GNG7: variants seen among roughly 807,000 people sequenced by gnomAD.
The protein encoded by GNG7 is G protein subunit gamma 7.
GNG7 carries 1 observed loss-of-function variant against 4.0 expected under a neutral mutation model. That is an observed-to-expected ratio of 0.25 (90% CI 0.09 to 1.18). The LOEUF (loss-of-function observed/expected upper bound fraction) is 1.18, where lower values mean the gene tolerates loss of function less well. Ranked by LOEUF, GNG7 falls within the 50% of genes most tolerant of loss-of-function variation. The pLI is 0.50. For missense variants in GNG7, 86 were observed against 91.9 expected (o/e 0.94, Z 0.26); for synonymous variants, 34 against 36.9 (o/e 0.92, Z 0.29).
In GNG7 at chr19:2,611,006, G is replaced by GC. The variant is rs1173327203; in HGVS notation, c.-78+35217_-78+35218insG. 2 of 103,070 alleles carry GC rather than the reference G, an allele frequency of 1.9e-5. No homozygotes were observed. Among genetic ancestry groups the GC allele is most frequent in the Admixed American group, 8.9e-5 (1 of 11,218 alleles). The allele number at this position is 103,070 out of a possible 1,614,324, so 6.4% of individuals were successfully genotyped here. On this transcript the variant is annotated intron_variant, in intron 2 of 4. Transcript: ENST00000382159. The surrounding 1 kb of genome is among the most constrained non-coding windows in gnomAD (Gnocchi z 6.0). Reference sequence around the variant, plus strand: ...GGAACGGGCTCACGTGCCAGGCTCGGGGGGGGGGAAGCGTCCTCAACATTC... The same window carrying GC: ...GGAACGGGCTCACGTGCCAGGCTCGGCGGGGGGGGAAGCGTCCTCAACATTC...
At chr19:2,556,009 G>A (rs1302721337) in intron 2 of GNG7, among the ~76,000 whole-genome samples, 1 of 152,242 alleles carries the variant, frequency 6.6e-6, no homozygotes, top group African/African-American at 2.4e-5. Flanking sequence ...CTAAGGTCTG[G>A]AGGGAGATCC....
chr19:2,664,440 C>T (rs749803839), intron 1 of GNG7, among the ~76,000 whole-genome samples: 1 of 152,140 alleles, frequency 6.6e-6, no homozygotes, highest in Non-Finnish European at 1.5e-5. Flanking sequence ...TTCAGAGCCA[C>T]GAGACTGATG....
intron 3 of GNG7, among the ~76,000 whole-genome samples, chr19:2,528,449 G>A (rs1400138095): frequency 6.6e-6 from 1 of 150,482 alleles, no homozygotes; most frequent in African/African-American, 2.4e-5. Context: ...CGGGCATGGC[G>A]GCGGGCACCT....
intron 1 of GNG7, among the ~76,000 whole-genome samples, chr19:2,660,304 T>C (rs541012070): frequency 1.3e-5 from 2 of 152,318 alleles, no homozygotes; most frequent in Non-Finnish European, 2.9e-5. Flanking sequence ...CTCATCCCTT[T>C]CCAATCCTGA....
At chr19:2,607,562 T>TAAAAAAAAAAAAAAAAAAAAAAAAAA (rs57077280) in intron 2 of GNG7, among the ~76,000 whole-genome samples, 1 of 110,580 alleles carries the variant, frequency 9.0e-6, no homozygotes, top group Non-Finnish European at 1.8e-5. Flanking sequence ...ACTAAAATGG[T>TAAAAAAAAAAAAAAAAAAAAAAAAAA]AAAAAAAAAA....
chr19:2,651,414 CTCCTTCCTTTCTTCCT>C (rs1466136902), intron 1 of GNG7, among the ~76,000 whole-genome samples: 104 of 129,032 alleles, frequency 8.1e-4, no homozygotes, highest in African/African-American at 2.9e-3. Context: ...CCCTCCTTCC[CTCCTTCCTTTCTTCCT>C]CCCTCCCTCC....
At chr19:2,553,932 GTATGTAATATATTA>G (rs1363110812) in intron 3 of GNG7, among the ~76,000 whole-genome samples, 7 of 135,668 alleles carry the variant, frequency 5.2e-5, no homozygotes, top group East Asian at 2.0e-4. Flanking sequence ...GTAATATATT[GTATGTAATATATTA>G]TATGTAATAT....
At chr19:2,568,292 T>C (rs866200938) in intron 2 of GNG7, among the ~76,000 whole-genome samples, 19 of 66,874 alleles carry the variant, frequency 2.8e-4, no homozygotes, top group East Asian at 1.1e-3. Context: ...TACACACATA[T>C]ACACACGCAC....
chr19:2,520,085 G>A (rs8108346), intron 4 of GNG7, among the ~76,000 whole-genome samples: 87,406 of 151,988 alleles, frequency 0.58, 25,203 homozygotes, highest in Non-Finnish European at 0.59. Context: ...GGAGGTTGAG[G>A]CAGAAGAATT....
intron 3 of GNG7, among the ~76,000 whole-genome samples, chr19:2,553,826 ATATTATATGTAATATTG>A (rs1979449272): frequency 1.9e-4 from 9 of 47,190 alleles, no homozygotes; most frequent in East Asian, 1.4e-3. Flanking sequence ...ATACATGTAC[ATATTATATGTAATATTG>A]CATACATGTA....
chr19:2,550,260 G>A lies in GNG7; in HGVS notation c.-38+4889C>T, dbSNP rs192430371. ...TGAGACGGAGTCTTGCTCTGTCGCC[G>A]AGGCTGGAGTGCAGTGGCGCAATCT... On this transcript the variant is annotated intron_variant, in intron 3 of 4. Transcript: ENST00000382159. Among the ~76,000 whole-genome samples, 6 of 152,164 alleles carry A rather than the reference G, an allele frequency of 3.9e-5. No individual in the cohort carries two copies. In the East Asian group the frequency reaches 7.7e-4, roughly 20 times the overall value.
intron 2 of GNG7, among the ~76,000 whole-genome samples, chr19:2,590,977 G>C (rs538479102): frequency 6.6e-6 from 1 of 152,166 alleles, no homozygotes; most frequent in African/African-American, 2.4e-5. Flanking sequence ...ACTAGAAATG[G>C]TAGAATTGCA....
At chr19:2,625,787 G>GTTTGTT (rs1369842665) in intron 2 of GNG7, among the ~76,000 whole-genome samples, 1 of 151,674 alleles carries the variant, frequency 6.6e-6, no homozygotes, top group African/African-American at 2.4e-5. Flanking sequence ...GGGGTTTTTT[G>GTTTGTT]TTTGTTTTTG....
rs1972664657 is a variant in GNG7 at position 2,512,125 on chromosome 19, C to G, written c.*2897G>C. 1 of 985,710 alleles carries G rather than the reference C, an allele frequency of 1.0e-6. No individual in the cohort carries two copies. The highest frequency in any genetic ancestry group is 1.2e-6 in the Non-Finnish European group (1 of 829,956). 61.1% of individuals were successfully genotyped at this position (985,710 alleles called of 1,614,324 possible). The stretch of plus-strand genomic sequence containing the variant: ...TGAGTGTCCTTAACTCTCTTTTCCC[C>G]TGGCGTAGCTGAGAGAGGCTTGTCC... On this transcript the variant is annotated 3_prime_UTR_variant, in exon 5 of 5. Transcript: ENST00000382159. The surrounding 1 kb of genome is among the most constrained non-coding windows in gnomAD (Gnocchi z 4.7).
At chr19:2,652,892 G>A (rs1334515291) in intron 1 of GNG7, among the ~76,000 whole-genome samples, 3 of 151,812 alleles carry the variant, frequency 2.0e-5, no homozygotes, top group Non-Finnish European at 4.4e-5. Context: ...CAACCAGCCT[G>A]GGCAACATAG....
chr19:2,595,942 C>T (rs1981005235), intron 2 of GNG7, among the ~76,000 whole-genome samples: 1 of 152,044 alleles, frequency 6.6e-6, no homozygotes, highest in East Asian at 1.9e-4. Flanking sequence ...GCTCTCCACT[C>T]GGCTCTGTCC....
At chr19:2,636,727 C>A (rs1456576338) in intron 2 of GNG7, among the ~76,000 whole-genome samples, 1 of 152,114 alleles carries the variant, frequency 6.6e-6, no homozygotes, top group South Asian at 2.1e-4. Context: ...GGGCAGGGGC[C>A]AACCATCTGG....
chr19:2,566,421 C>T (rs777884407), intron 2 of GNG7, among the ~76,000 whole-genome samples: 13 of 152,044 alleles, frequency 8.6e-5, no homozygotes, highest in Non-Finnish European at 7.4e-5. Flanking sequence ...GTCTCCAGAG[C>T]GGAGAGAGAA....
rs1982882574 is a variant in GNG7, at chr19:2,653,474, G to A, written c.-134-7194C>T. On this transcript the variant is annotated intron_variant, in intron 1 of 4. Transcript: ENST00000382159. This position sits in a 1 kb window ranked among gnomAD's most constrained non-coding sequence, Gnocchi z 4.8. Reference sequence around the variant, plus strand: ...GGGAGGAGGAGAATCCCAGGAGCTGGGGGGCCCCCCTGGTTTATACCGTCT... The same window carrying A: ...GGGAGGAGGAGAATCCCAGGAGCTGAGGGGCCCCCCTGGTTTATACCGTCT... Among the ~76,000 whole-genome samples, 1 of 151,540 alleles carries A rather than the reference G, an allele frequency of 6.6e-6. No individual in the cohort carries two copies. The highest frequency in any genetic ancestry group is 2.4e-5 in the African/African-American group (1 of 40,946).
Sources: gnomAD v4.1 joint callset for allele counts (sites outside exome capture counted in the v4.1 genomes callset) on GRCh38, gnomAD v4.1.1 for gene constraint, Gnocchi (gnomAD v3.1) non-coding constraint, MANE v1.5 for transcripts, NCBI Gene and HGNC (gene_info 2026-07-23, HGNC 2026-07-21) for gene names.